Variants in ZNF282 observed in about 807,000 individuals in gnomAD.
The protein encoded by ZNF282 is HTLV-I U5 repressive element-binding protein 1.
Under a neutral mutation model 61.9 loss-of-function variants are expected in ZNF282, and 30 were observed. The ratio of observed to expected loss-of-function variants is 0.48; its 90% CI spans 0.36 to 0.66. ZNF282 has a LOEUF of 0.66. Among genes scored for constraint, ZNF282 ranks in the 30% least tolerant of loss-of-function variants. ZNF282 has a pLI of 0.00. For missense variants in ZNF282, 788 were observed against 941.4 expected (o/e 0.84, Z 2.13); for synonymous variants, 396 against 405.0 (o/e 0.98, Z 0.27).
Position 149,224,557 on chromosome 7 carries a change from G to A in ZNF282, c.1926G>A (p.Lys642=), listed in dbSNP as rs1273476062. The A allele has an allele frequency of 1.2e-6, 2 of 1,607,224 alleles. No homozygotes were observed. Among genetic ancestry groups the A allele is most frequent in the African/African-American group, 1.3e-5 (1 of 74,890 alleles). The change falls in exon 8 of 8, where the codon AAG becomes AAA. Residue 642 remains lysine (K), a synonymous_variant. Transcript: ENST00000610704. ...AGTGCGGCAAGAGCTTCCGCTACAA[G>A]GAGTCGCTCAAGGACCACCTGCGCG... ...CGECGKSFRY[K]ESLKDHLRVH...
intron 7 of ZNF282, among the ~76,000 whole-genome samples, chr7:149,221,882 T>C (rs1362475400): frequency 1.3e-5 from 2 of 151,934 alleles, no homozygotes; most frequent in Non-Finnish European, 2.9e-5. Flanking sequence ...CGGGGAGCAG[T>C]TGGGTCCTAG....
At chr7:149,203,961 C>T (rs1164742046) in intron 2 of ZNF282, among the ~76,000 whole-genome samples, 2 of 152,198 alleles carry the variant, frequency 1.3e-5, no homozygotes, top group African/African-American at 2.4e-5. Context: ...TATTTATCAT[C>T]TCACCATTTC....
intron 7 of ZNF282, among the ~76,000 whole-genome samples, chr7:149,222,954 T>C (rs1796280508): frequency 6.7e-6 from 1 of 149,030 alleles, no homozygotes; most frequent in South Asian, 2.1e-4. Flanking sequence ...CCTTTTTAAA[T>C]TGTATTTTAT....
intron 1 of ZNF282, among the ~76,000 whole-genome samples, chr7:149,197,831 G>A (rs772893851): frequency 1.3e-5 from 2 of 152,220 alleles, no homozygotes; most frequent in Non-Finnish European, 2.9e-5. Context: ...GCAGGGAGGC[G>A]CTGCGGAGTG....
intron 7 of ZNF282, among the ~76,000 whole-genome samples, chr7:149,216,816 C>CT (rs1307933001): frequency 6.6e-6 from 1 of 152,210 alleles, no homozygotes; most frequent in African/African-American, 2.4e-5. Flanking sequence ...CCGTTTGACT[C>CT]AAAGGCAGAC....
chr7:149,215,011 C>G (rs2240371), intron 7 of ZNF282, among the ~76,000 whole-genome samples: 103,042 of 151,810 alleles, frequency 0.68, 36,638 homozygotes, highest in East Asian at 0.87. Context: ...CTGAAGCTCC[C>G]TTATTGACCT....
intron 4 of ZNF282, among the ~76,000 whole-genome samples, chr7:149,207,770 C>T (rs1006771096): frequency 2.6e-5 from 4 of 152,230 alleles, no homozygotes; most frequent in African/African-American, 9.6e-5. Flanking sequence ...GCTACCGCCC[C>T]AGGCCCGGGC....
intron 7 of ZNF282, 96 bp downstream of exon 7, chr7:149,213,910 C>T (rs947086576): frequency 4.8e-5 from 38 of 793,684 alleles, no homozygotes; most frequent in Admixed American, 8.0e-5. Context: ...GCTCACCCCT[C>T]GTAGGGTGAT....
At chr7:149,207,759 C>T (rs184560510) in intron 4 of ZNF282, among the ~76,000 whole-genome samples, 23 of 152,374 alleles carry the variant, frequency 1.5e-4, no homozygotes, top group Non-Finnish European at 1.6e-4. Flanking sequence ...CTTAGGCTTA[C>T]GCTACCGCCC....
In ZNF282 at chr7:149,195,707, G is replaced by A. The variant is rs1412681335; in HGVS notation, c.118G>A (p.Glu40Lys). The stretch of plus-strand genomic sequence containing the variant: ...GCCCCCGGAGGAGGTCTGCCACCAG[G>A]AGCCGGCGCTGCGCGGGGAAATGGC... The part of the protein sequence containing the change: ...ALPPEEVCHQ[E>K]PALRGEMAEG... The change falls in exon 1 of 8, where the codon GAG (glutamate) becomes AAG (lysine). Residue 40 changes from glutamate (E) to lysine (K), a missense_variant. Transcript: ENST00000610704. 7.1e-6 allele frequency: 11 copies of A among 1,557,116 alleles called. 1 individual carries two copies. In the South Asian group the frequency reaches 9.4e-5, roughly 13 times the overall value.
intron 6 of ZNF282, among the ~76,000 whole-genome samples, chr7:149,213,171 C>T (rs1796112394): frequency 6.6e-6 from 1 of 152,132 alleles, no homozygotes; most frequent in Non-Finnish European, 1.5e-5. Flanking sequence ...ACCCACCATA[C>T]CAGGGAGAGA....
Position 149,221,563 on chromosome 7 carries a change from G to C in ZNF282, c.1181-2249G>C, listed in dbSNP as rs1223226615. Among the ~76,000 whole-genome samples, 13 of 152,148 alleles carry C rather than the reference G, an allele frequency of 8.5e-5. No homozygotes were observed. The South Asian group carries it at 1.2e-3, about 15-fold the overall frequency. Reference sequence around the variant, plus strand: ...GAAGGAGTGAGAGTAGCAGGACTGGGTAGACAGAGAAGCAAACACCCTCAG... The same window carrying C: ...GAAGGAGTGAGAGTAGCAGGACTGGCTAGACAGAGAAGCAAACACCCTCAG... On this transcript the variant is annotated intron_variant, in intron 7 of 7. Transcript: ENST00000610704.
intron 4 of ZNF282, among the ~76,000 whole-genome samples, chr7:149,208,349 T>C (rs1347392372): frequency 6.6e-6 from 1 of 152,056 alleles, no homozygotes; most frequent in Non-Finnish European, 1.5e-5. Flanking sequence ...ACTACAGGCA[T>C]ACACCACTGC....
At chr7:149,214,144 C>T (rs1796128116) in intron 7 of ZNF282, among the ~76,000 whole-genome samples, 1 of 152,154 alleles carries the variant, frequency 6.6e-6, no homozygotes, top group Admixed American at 6.5e-5. Context: ...GTATGGGATT[C>T]CTCCCTCGCC....
intron 1 of ZNF282, among the ~76,000 whole-genome samples, chr7:149,196,759 C>T (rs1443004726): frequency 6.6e-6 from 1 of 152,162 alleles, no homozygotes; most frequent in Non-Finnish European, 1.5e-5. Flanking sequence ...AGTGGAGCCT[C>T]TGTGATGGAG....
At chr7:149,212,121 A>G (rs1035680612) in intron 5 of ZNF282, among the ~76,000 whole-genome samples, 2 of 152,190 alleles carry the variant, frequency 1.3e-5, no homozygotes, top group Non-Finnish European at 2.9e-5. Context: ...CAGCACAGAA[A>G]GGCTCTTTCT....
In ZNF282 at chr7:149,198,583, C is replaced by T. The variant is rs139886507; in HGVS notation, c.416C>T (p.Thr139Met). 4.0e-5 allele frequency: 64 copies of T among 1,614,018 alleles called. No individual in the cohort carries two copies. The highest frequency in any genetic ancestry group is 5.0e-5 in the Admixed American group (3 of 59,992). ...AEKKLADCEK[T>M]AVEFGNHMES... ...AAGAAGCTGGCCGACTGTGAAAAGA[C>T]GGCCGTGGAATTTGGGAACCACATG... Residue 139 changes from threonine to methionine, a missense_variant, in exon 2 of 8, where the codon ACG (threonine) becomes ATG (methionine). Thr to Met is a moderately conservative substitution (Grantham distance 81). Around this residue, in one of 3 missense-constraint regions of ZNF282, gnomAD observed 92 missense variants for 163.9 expected, o/e 0.56. Transcript: ENST00000610704. This position sits in a 1 kb window ranked among gnomAD's most constrained non-coding sequence, Gnocchi z 4.3.
intron 2 of ZNF282, among the ~76,000 whole-genome samples, chr7:149,204,727 A>T (rs188679900): frequency 1.3e-5 from 2 of 152,326 alleles, no homozygotes; most frequent in East Asian, 3.9e-4. Context: ...GCAAGGTGTC[A>T]GCAAGAGACA....
At chr7:149,202,346 C>G (rs960994474) in intron 2 of ZNF282, among the ~76,000 whole-genome samples, 5 of 150,030 alleles carry the variant, frequency 3.3e-5, no homozygotes, top group African/African-American at 9.8e-5. Flanking sequence ...GAGTCTTGCT[C>G]TATTGCCCAA....
Sources: gnomAD v4.1 joint callset for allele counts (sites outside exome capture counted in the v4.1 genomes callset) on GRCh38, gnomAD v4.1.1 for gene constraint, gnomAD v4.1.1 regional missense constraint, Gnocchi (gnomAD v3.1) non-coding constraint, MANE v1.5 for transcripts, NCBI Gene and HGNC (gene_info 2026-07-23, HGNC 2026-07-21) for gene names.